VWA3B: variants seen among roughly 807,000 people sequenced by gnomAD.
The protein encoded by VWA3B is von Willebrand factor A domain-containing protein 3B.
VWA3B carries 138 observed loss-of-function variants against 158.3 expected under a neutral mutation model. That is an observed-to-expected ratio of 0.87 (90% CI 0.76 to 1.00). The LOEUF (loss-of-function observed/expected upper bound fraction) is 1.00, where lower values mean the gene tolerates loss of function less well. Ranked by LOEUF, VWA3B falls within the 50% of genes least tolerant of loss-of-function variation. The pLI is 0.00. For synonymous variants in VWA3B, 596 were observed against 587.3 expected (o/e 1.01, Z -0.21); for missense variants, 1,555 against 1,565.1 (o/e 0.99, Z 0.11).
chr2:98,237,524 G>A (rs1477816366), intron 19 of VWA3B, among the ~76,000 whole-genome samples: 2 of 152,156 alleles, frequency 1.3e-5, no homozygotes, highest in East Asian at 3.9e-4. Flanking sequence ...CTTCCAATGG[G>A]AGGGCGTGGT....
At chr2:98,118,993 C>T (rs1311246231) in intron 3 of VWA3B, among the ~76,000 whole-genome samples, 1 of 152,148 alleles carries the variant, frequency 6.6e-6, no homozygotes, top group African/African-American at 2.4e-5. Flanking sequence ...GGTCCAGGTG[C>T]AGGAGAGCTT....
At chr2:98,269,356 T>C (rs1049280407) in intron 21 of VWA3B, 4 of 152,268 alleles carry the variant, frequency 2.6e-5, no homozygotes, top group African/African-American at 7.2e-5. Flanking sequence ...CTGTAATATC[T>C]TGTTCCCCCT....
chr2:98,195,873 T>C (rs1681997747), intron 12 of VWA3B, among the ~76,000 whole-genome samples: 1 of 152,192 alleles, frequency 6.6e-6, no homozygotes, highest in Non-Finnish European at 1.5e-5. Flanking sequence ...AAATTCATTT[T>C]CAAAAGGACC....
the VWA3B span, among the ~76,000 whole-genome samples, chr2:98,328,789 C>T: frequency 6.6e-6 from 1 of 152,016 alleles, no homozygotes; most frequent in Non-Finnish European, 1.5e-5. Context: ...AATGATATTC[C>T]ACACATAGTT....
At chr2:98,226,610 C>A (rs577438495) in intron 14 of VWA3B, among the ~76,000 whole-genome samples, 40 of 152,246 alleles carry the variant, frequency 2.6e-4, no homozygotes, top group African/African-American at 9.1e-4. Context: ...CTGTGGGAGA[C>A]CCTGTTAAGA....
intron 7 of VWA3B, among the ~76,000 whole-genome samples, chr2:98,139,284 C>G (rs1295687470): frequency 4.6e-5 from 7 of 152,340 alleles, no homozygotes; most frequent in African/African-American, 1.4e-4. Flanking sequence ...TGAGCCTTCC[C>G]CCGCCTCCGT....
Position 98,194,469 on chromosome 2 carries a change from C to T in VWA3B, c.1714C>T (p.Gln572Ter), listed in dbSNP as rs145295911. The T allele has an allele frequency of 1.2e-3, 1,954 of 1,614,070 alleles. 21 individuals are homozygous for T. The African/African-American group carries it at 0.024, about 20-fold the overall frequency. The change falls in exon 12 of 28, where the codon CAG becomes TAG. Residue 572 changes from glutamine (Q) to a stop codon, truncating the protein, a stop_gained. Transcript: ENST00000477737. LOFTEE classifies it high-confidence loss of function. Reference protein sequence around the residue: ...EVNEDNLEQAQSWIRDIKIGS... With the variant: ...EVNEDNLEQA Reference sequence around the variant, plus strand: ...CAATGAAGATAATTTGGAACAGGCTCAGTCCTGGATTAGAGACATAAAGGT... The same window carrying T: ...CAATGAAGATAATTTGGAACAGGCTTAGTCCTGGATTAGAGACATAAAGGT...
intron 1 of VWA3B, 108 bp downstream of exon 1, chr2:98,087,471 A>G (rs1681943840): frequency 6.6e-6 from 1 of 152,200 alleles, no homozygotes; most frequent in African/African-American, 2.4e-5. Context: ...GGTGGACTAC[A>G]CGCCCACTTT....
intron 14 of VWA3B, among the ~76,000 whole-genome samples, chr2:98,219,213 A>G (rs773749320): frequency 2.0e-5 from 3 of 152,254 alleles, no homozygotes; most frequent in Admixed American, 6.5e-5. Context: ...AAATGTACCC[A>G]GAACTCAATG....
chr2:98,165,978 GC>G (rs1031727992), intron 8 of VWA3B, among the ~76,000 whole-genome samples: 1 of 152,050 alleles, frequency 6.6e-6, no homozygotes, highest in African/African-American at 2.4e-5. Flanking sequence ...CCTGAATTGT[GC>G]CCCCCCAGTT....
At chr2:98,271,010 A>G (rs1449573860) in intron 22 of VWA3B, 127 bp downstream of exon 22, 1 of 919,208 alleles carries the variant, frequency 1.1e-6, no homozygotes, top group Non-Finnish European at 1.6e-6. Flanking sequence ...TGTTAGAGCC[A>G]ATCCAGTTAA....
intron 7 of VWA3B, among the ~76,000 whole-genome samples, chr2:98,153,892 C>T (rs531937114): frequency 2.6e-5 from 4 of 152,254 alleles, no homozygotes; most frequent in Middle Eastern, 3.4e-3. Context: ...GAGACAGTCT[C>T]GCTCTGTCAC....
intron 12 of VWA3B, 26 bp from the exon 13 acceptor site, chr2:98,211,904 G>A (rs1344965009): frequency 6.2e-7 from 1 of 1,601,654 alleles, no homozygotes; most frequent in Admixed American, 1.7e-5. Flanking sequence ...ATTCAAGTGT[G>A]TCCTTGGTGT....
At position 98,129,324 on chromosome 2, in the gene VWA3B, G is replaced by GGA. The variant is rs144781077; in HGVS notation, c.872+928_872+929dup. 9.2e-3 allele frequency among the ~76,000 whole-genome samples: 1,387 copies of GGA among 151,086 alleles called. 38 individuals are homozygous for GGA. The highest frequency in any genetic ancestry group is 0.032 in the African/African-American group (1,319 of 41,114). ...GAGGAGAGAGACATTGTGTGTGTGT[G>GGA]GAGAGAGAGAGAGCAGAGAGACGGA... On this transcript the variant is annotated intron_variant, in intron 6 of 27. Coordinates refer to ENST00000477737, the MANE Select transcript of VWA3B (RefSeq NM_144992.5).
intron 21 of VWA3B, among the ~76,000 whole-genome samples, chr2:98,257,699 A>G (rs1687240610): frequency 1.3e-5 from 2 of 151,932 alleles, no homozygotes. Context: ...ATGTTTATTC[A>G]AGTTCTTTGT....
chr2:98,165,852 C>T (rs1408786222), intron 8 of VWA3B, among the ~76,000 whole-genome samples: 1 of 152,076 alleles, frequency 6.6e-6, no homozygotes, highest in East Asian at 1.9e-4. Flanking sequence ...CCCCTGTCAT[C>T]CTGCAGATGA....
chr2:98,208,987 A>C (rs921266560), intron 12 of VWA3B, among the ~76,000 whole-genome samples: 3 of 152,162 alleles, frequency 2.0e-5, no homozygotes, highest in African/African-American at 7.2e-5. Flanking sequence ...TATTTTCCCC[A>C]GATAGATGAT....
intron 22 of VWA3B, among the ~76,000 whole-genome samples, chr2:98,287,899 A>G (rs150241077): frequency 1.3e-5 from 2 of 152,262 alleles, no homozygotes; most frequent in Middle Eastern, 3.4e-3. Flanking sequence ...TTCTTCTGTT[A>G]TATCAATTCT....
At chr2:98,087,495 C>T (rs1244737842) in intron 1 of VWA3B, 132 bp downstream of exon 1, 1 of 152,258 alleles carries the variant, frequency 6.6e-6, no homozygotes, top group Non-Finnish European at 1.5e-5. Flanking sequence ...GATGCGGAAA[C>T]AGTACCAGGA....
Sources: allele counts gnomAD v4.1 joint callset (sites outside exome capture counted in the v4.1 genomes callset), GRCh38; gene constraint gnomAD v4.1.1; transcripts MANE v1.5; gene names NCBI Gene and HGNC (gene_info 2026-07-23, HGNC 2026-07-21).